DLG2: variants seen among roughly 807,000 people sequenced by gnomAD.
The protein encoded by DLG2 is discs large MAGUK scaffold protein 2.
Under a neutral mutation model 132.5 loss-of-function variants are expected in DLG2, and 45 were observed. That is an observed-to-expected ratio of 0.34 (90% CI 0.27 to 0.44). The LOEUF is 0.44. Ranked by LOEUF, DLG2 falls within the 20% of genes least tolerant of loss-of-function variation. DLG2 has a pLI of 1.00. For synonymous variants in DLG2, 424 were observed against 419.6 expected, an observed-to-expected ratio of 1.01 and a Z score of -0.13; for missense variants, 1,045 against 1,196.9, an observed-to-expected ratio of 0.87 and a Z score of 1.87.
chr11:83,735,905 T>C (rs1268856582), intron 18 of DLG2, among the ~76,000 whole-genome samples: 1 of 152,110 alleles, frequency 6.6e-6, no homozygotes, highest in African/African-American at 2.4e-5. Context: ...AAAATTCCAG[T>C]CTCCAGATTC....
At chr11:85,456,007 G>A (rs1044858777) in intron 3 of DLG2, among the ~76,000 whole-genome samples, 1 of 152,024 alleles carries the variant, frequency 6.6e-6, no homozygotes, top group Admixed American at 6.6e-5. Flanking sequence ...GTATCAGGAT[G>A]ATACCTGCTC....
At chr11:85,469,257 G>A (rs1433628584) in intron 3 of DLG2, 3 of 152,170 alleles carry the variant, frequency 2.0e-5, no homozygotes, top group Non-Finnish European at 2.9e-5. Context: ...GATTTCAAGA[G>A]CCACTTTATT....
rs140667305 is a variant in DLG2, at chr11:84,579,188, CGTGTGT to C, written c.358-44463_358-44458del. On this transcript the variant is annotated intron_variant, in intron 6 of 27. Transcript: ENST00000376104. ...GAACTAATACACCTTGCATTATTCA[CGTGTGT>C]GTGTGTGTGTGTGTGTGTGTGTGTG... Among the ~76,000 whole-genome samples, 30 of 145,596 alleles carry C rather than the reference CGTGTGT, an allele frequency of 2.1e-4. 1 individual carries two copies. Among genetic ancestry groups the C allele is most frequent in the African/African-American group, 4.1e-4 (16 of 39,276 alleles).
chr11:84,166,101 A>T (rs1301607676), intron 8 of DLG2, among the ~76,000 whole-genome samples: 1 of 152,180 alleles, frequency 6.6e-6, no homozygotes, highest in Non-Finnish European at 1.5e-5. Flanking sequence ...CCTAATCTCT[A>T]TTCTCTCATT....
At chr11:85,251,284 T>C (rs1475435217) in intron 4 of DLG2, among the ~76,000 whole-genome samples, 1 of 152,214 alleles carries the variant, frequency 6.6e-6, no homozygotes, top group Non-Finnish European at 1.5e-5. Flanking sequence ...AAGCAGAATA[T>C]TGTTTTCATT....
chr11:85,092,934 C>A (rs2069035154), intron 6 of DLG2, among the ~76,000 whole-genome samples: 1 of 152,140 alleles, frequency 6.6e-6, no homozygotes, highest in Non-Finnish European at 1.5e-5. Context: ...CACCACTACG[C>A]CCAGCTACAT....
At chr11:85,459,892 C>G (rs1295275613) in intron 3 of DLG2, among the ~76,000 whole-genome samples, 1 of 152,204 alleles carries the variant, frequency 6.6e-6, no homozygotes, top group African/African-American at 2.4e-5. Flanking sequence ...GTCCAGGACT[C>G]ATGTGTAGAA....
Position 84,959,383 on chromosome 11 carries a change from G to C in DLG2, c.357+152278C>G, listed in dbSNP as rs182920451. Among the ~76,000 whole-genome samples the C allele has an allele frequency of 1.8e-3, 272 of 152,228 alleles. 1 individual carries two copies. Among genetic ancestry groups the C allele is most frequent in the African/African-American group, 6.3e-3 (260 of 41,530 alleles). On this transcript the variant is annotated intron_variant, in intron 6 of 27. Transcript: ENST00000376104. ...CTAGGGGCTCAGGAGGTTTACAGCAGGAAAATATAAAACAGAGCCCCTTCC... is the reference window on the plus strand; with the variant it reads ...CTAGGGGCTCAGGAGGTTTACAGCACGAAAATATAAAACAGAGCCCCTTCC...
chr11:83,608,918 A>G (rs79731399), intron 19 of DLG2, among the ~76,000 whole-genome samples: 2,833 of 152,234 alleles, frequency 0.019, 109 homozygotes, highest in African/African-American at 0.065. Context: ...GTGGATTTCT[A>G]TTACACAGCC....
At chr11:84,719,364 T>G (rs949956115) in intron 6 of DLG2, among the ~76,000 whole-genome samples, 2 of 152,196 alleles carry the variant, frequency 1.3e-5, no homozygotes, top group Non-Finnish European at 2.9e-5. Context: ...TCTCTCTCTC[T>G]CTCCTTAGAC....
At chr11:85,117,398 G>A (rs2073764963) in intron 5 of DLG2, among the ~76,000 whole-genome samples, 1 of 151,950 alleles carries the variant, frequency 6.6e-6, no homozygotes, top group Non-Finnish European at 1.5e-5. Flanking sequence ...AAAGTTATAA[G>A]TAAAGCACTT....
chr11:84,349,390 G>T (rs542088558), intron 7 of DLG2, among the ~76,000 whole-genome samples: 2 of 152,150 alleles, frequency 1.3e-5, no homozygotes, highest in East Asian at 1.9e-4. Context: ...AACTTTGTAA[G>T]GTCTGGGGTT....
chr11:85,582,375 A>T (rs1274472961), intron 3 of DLG2, among the ~76,000 whole-genome samples: 1 of 152,104 alleles, frequency 6.6e-6, no homozygotes, highest in African/African-American at 2.4e-5. Flanking sequence ...CAATAGTAAG[A>T]TATAGCATAA....
rs2088819830 is a variant in DLG2, at chr11:83,455,550, C to G, written c.*4268G>C. 6.6e-6 allele frequency: 1 copy of G among 152,632 alleles called. No homozygotes were observed. The highest frequency in any genetic ancestry group is 2.4e-5 in the African/African-American group (1 of 41,444). 9.5% of individuals were successfully genotyped at this position (152,632 alleles called of 1,614,324 possible). A position where few individuals can be genotyped will look rare whatever the true frequency, so the allele number is the denominator to read the frequency against. ...ACTATACTCTTTAGATGATCTTTGTCTAAATTGTCCGCCTGTCTTAGCTTT... is the reference window on the plus strand; with the variant it reads ...ACTATACTCTTTAGATGATCTTTGTGTAAATTGTCCGCCTGTCTTAGCTTT... On this transcript the variant is annotated 3_prime_UTR_variant, in exon 28 of 28. Coordinates refer to ENST00000376104, the MANE Select transcript of DLG2 (RefSeq NM_001142699.3).
chr11:85,040,691 G>T (rs1327168379), intron 6 of DLG2, among the ~76,000 whole-genome samples: 2 of 151,788 alleles, frequency 1.3e-5, no homozygotes, highest in African/African-American at 4.8e-5. Flanking sequence ...CAAACATATG[G>T]CCTTTCTCTC....
chr11:84,236,050 A>T (rs200976579), intron 8 of DLG2, among the ~76,000 whole-genome samples: 15 of 15,400 alleles, frequency 9.7e-4, no homozygotes, highest in Middle Eastern at 0.05. Context: ...CCATTTTATT[A>T]AAAAAAAAAA....
At chr11:83,816,904 CA>C (rs2049119802) in intron 17 of DLG2, among the ~76,000 whole-genome samples, 1 of 152,138 alleles carries the variant, frequency 6.6e-6, no homozygotes, top group South Asian at 2.1e-4. Flanking sequence ...ACATTCCTGT[CA>C]GCTGGAAACC....
At chr11:85,317,271 T>C (rs2080749719) in intron 3 of DLG2, among the ~76,000 whole-genome samples, 1 of 151,780 alleles carries the variant, frequency 6.6e-6, no homozygotes, top group Non-Finnish European at 1.5e-5. Context: ...TTAAAAATAA[T>C]GTAAGGCCAC....
At chr11:85,600,719 A>G (rs2080092529) in intron 2 of DLG2, among the ~76,000 whole-genome samples, 1 of 152,264 alleles carries the variant, frequency 6.6e-6, no homozygotes, top group Non-Finnish European at 1.5e-5. Context: ...AACAACAAAG[A>G]TAGTTTTTGT....
Sources: gnomAD v4.1 joint callset for allele counts (sites outside exome capture counted in the v4.1 genomes callset) on GRCh38, gnomAD v4.1.1 for gene constraint, MANE v1.5 for transcripts, NCBI Gene and HGNC (gene_info 2026-07-23, HGNC 2026-07-21) for gene names.